HEXA: variants seen among roughly 807,000 people sequenced by gnomAD.
The protein encoded by HEXA is hexosaminidase subunit alpha.
Under a neutral mutation model 73.3 loss-of-function variants are expected in HEXA, and 54 were observed. The observed-to-expected ratio is 0.74, with a 90% CI of 0.59 to 0.92. The LOEUF is 0.92. Ranked by LOEUF, HEXA falls within the 40% of genes least tolerant of loss-of-function variation. HEXA has a pLI of 0.00. For synonymous variants in HEXA, 230 were observed against 246.9 expected, an observed-to-expected ratio of 0.93 and a Z score of 0.64; for missense variants, 649 against 653.0, an observed-to-expected ratio of 0.99 and a Z score of 0.07.
intron 1 of HEXA, among the ~76,000 whole-genome samples, chr15:72,367,811 T>C (rs750967006): frequency 2.6e-5 from 4 of 152,212 alleles, no homozygotes; most frequent in Non-Finnish European, 4.4e-5. Context: ...GTTCTTTCTA[T>C]GCGGAATACT....
chr15:72,355,279 A>G, intron 3 of HEXA: 1 of 449,070 alleles, frequency 2.2e-6, no homozygotes, highest in Non-Finnish European at 4.1e-6. Context: ...TAATCCCAGA[A>G]CTTTGGGAGG....
intron 3 of HEXA, chr15:72,354,929 C>T (rs1413154572): frequency 6.4e-6 from 1 of 155,980 alleles, no homozygotes; most frequent in African/African-American, 2.4e-5. Flanking sequence ...TATTTCACTA[C>T]TATTTATCTT....
chr15:72,366,180 G>A (rs1315173170), intron 1 of HEXA, among the ~76,000 whole-genome samples: 2 of 152,088 alleles, frequency 1.3e-5, no homozygotes, highest in South Asian at 2.1e-4. Context: ...GGCTGCTTCT[G>A]GGTCATCCAT....
chr15:72,357,981 C>G (rs142571182), intron 1 of HEXA: 20 of 152,302 alleles, frequency 1.3e-4, no homozygotes, highest in African/African-American at 4.6e-4. Context: ...ATTCACAGCT[C>G]CATACTTGAA....
At chr15:72,371,386 T>C (rs1567306397) in intron 1 of HEXA, among the ~76,000 whole-genome samples, 1 of 151,518 alleles carries the variant, frequency 6.6e-6, no homozygotes, top group Admixed American at 6.6e-5. Flanking sequence ...GCAGGCAGAG[T>C]GGTTGAGCCC....
At chr15:72,356,851 A>T in intron 1 of HEXA, 1 of 628,856 alleles carries the variant, frequency 1.6e-6, no homozygotes. Flanking sequence ...TCTGGGTGAC[A>T]GCTCTTCTTA....
At chr15:72,344,877 C>G (rs1023083360) in intron 13 of HEXA, among the ~76,000 whole-genome samples, 2 of 152,184 alleles carry the variant, frequency 1.3e-5, no homozygotes, top group Admixed American at 1.3e-4. Flanking sequence ...GTCATGACAT[C>G]CTGTAAGTCA....
chr15:72,356,872 T>C, intron 1 of HEXA: 2 of 577,614 alleles, frequency 3.5e-6, no homozygotes, highest in Non-Finnish European at 6.3e-6. Context: ...ACCAGGGCTC[T>C]ATATTTCTGA....
At chr15:72,355,724 ACAGTAAGACCATATATTTT>A in intron 2 of HEXA, 100 bp from the exon 3 acceptor site, 2 of 818,796 alleles carry the variant, frequency 2.4e-6, no homozygotes, top group Non-Finnish European at 4.2e-6. Flanking sequence ...AAAAAAAAAA[ACAGTAAGACCATATATTTT>A]AAAAAATCTT....
rs2088688070 is a variant in HEXA at position 72,351,050 on chromosome 15, A to G, written c.672+83T>C. On this transcript the variant is annotated intron_variant, in intron 6 of 13. Transcript: ENST00000268097. The stretch of plus-strand genomic sequence containing the variant: ...GGTCTAAAACTGGCTGGTTAGGATG[A>G]GAGACCCTGTTCTTGCCAGCAGGGC... 1.1e-5 allele frequency: 10 copies of G among 903,088 alleles called. No individual in the cohort carries two copies. In the South Asian group the frequency reaches 1.3e-4, roughly 12 times the overall value. 55.9% of individuals were successfully genotyped at this position (903,088 alleles called of 1,614,324 possible).
At chr15:72,344,707 T>C (rs1220608237) in intron 13 of HEXA, among the ~76,000 whole-genome samples, 1 of 152,172 alleles carries the variant, frequency 6.6e-6, no homozygotes, top group Admixed American at 6.5e-5. Flanking sequence ...AGTTACCCAG[T>C]GAATGACATA....
At chr15:72,357,537 G>T (rs2088801176) in intron 1 of HEXA, 1 of 152,178 alleles carries the variant, frequency 6.6e-6, no homozygotes, top group South Asian at 2.1e-4. Flanking sequence ...GGGTGGCTCT[G>T]GTGTTATAGC....
intron 10 of HEXA, 147 bp from the exon 11 acceptor site, chr15:72,346,857 G>A: frequency 2.5e-6 from 2 of 794,730 alleles, no homozygotes; most frequent in Non-Finnish European, 4.4e-6. Context: ...TGACCATTGA[G>A]CTCACACCTC....
chr15:72,372,466 T>C (rs1169664793), intron 1 of HEXA, among the ~76,000 whole-genome samples: 1 of 152,220 alleles, frequency 6.6e-6, no homozygotes. Context: ...TTATTAAATG[T>C]CTGGAGCAAC....
intron 8 of HEXA, 56 bp downstream of exon 8, chr15:72,349,023 T>C (rs1182140246): frequency 7.5e-6 from 11 of 1,461,414 alleles, no homozygotes; most frequent in Non-Finnish European, 6.7e-6. Flanking sequence ...GGTGCTAACT[T>C]CTATTCTGAG....
intron 4 of HEXA, among the ~76,000 whole-genome samples, 155 bp downstream of exon 4, chr15:72,353,536 A>G (rs1338745145): frequency 6.6e-6 from 1 of 152,202 alleles, no homozygotes; most frequent in Non-Finnish European, 1.5e-5. Flanking sequence ...AAATCTACCA[A>G]ACCAGTTTTC....
At chr15:72,345,327 C>G in intron 13 of HEXA, 119 bp downstream of exon 13, 2 of 1,534,920 alleles carry the variant, frequency 1.3e-6, no homozygotes, top group Non-Finnish European at 1.8e-6. Context: ...TGGATGAGGG[C>G]TGACTATAAG....
chr15:72,352,698 C>G (rs565830711), intron 5 of HEXA, among the ~76,000 whole-genome samples: 1 of 148,928 alleles, frequency 6.7e-6, no homozygotes, highest in African/African-American at 2.5e-5. Flanking sequence ...GCGTCTCACT[C>G]TTTCACCCAG....
In HEXA at chr15:72,350,761, C is replaced by T. The variant is rs879218672; in HGVS notation, c.673-111G>A. On this transcript the variant is annotated intron_variant, in intron 6 of 13. Transcript: ENST00000268097. ...AGATATCAGAAAACCTGCCCATAGC[C>T]CTTTGGTGTCAGGGACTATCTTCAA... 8 of 1,212,992 alleles carry T rather than the reference C, an allele frequency of 6.6e-6. No homozygotes were observed. In the South Asian group the frequency reaches 8.7e-5, roughly 13 times the overall value. The allele number at this position is 1,212,992 out of a possible 1,614,324, so 75.1% of individuals were successfully genotyped here.
Sources: allele counts gnomAD v4.1 joint callset (sites outside exome capture counted in the v4.1 genomes callset), GRCh38; gene constraint gnomAD v4.1.1; transcripts MANE v1.5; gene names NCBI Gene and HGNC (gene_info 2026-07-23, HGNC 2026-07-21).